CNTN1: variants seen among roughly 807,000 people sequenced by gnomAD.
CNTN1 encodes the protein contactin-1.
A neutral mutation model predicts 126.4 loss-of-function variants in CNTN1; 38 were observed. That is an observed-to-expected ratio of 0.30 (90% CI 0.23 to 0.39). The LOEUF (loss-of-function observed/expected upper bound fraction) is 0.39. Among genes scored for constraint, CNTN1 ranks in the 10% least tolerant of loss-of-function variants. The pLI is 1.00. For missense variants in CNTN1, 1,009 were observed against 1,248.4 expected, an observed-to-expected ratio of 0.81 and a Z score of 2.89; for synonymous variants, 413 against 422.6, an observed-to-expected ratio of 0.98 and a Z score of 0.28.
At chr12:40,911,751 A>G (rs1035558546) in intron 3 of CNTN1, among the ~76,000 whole-genome samples, 2 of 152,158 alleles carry the variant, frequency 1.3e-5, no homozygotes, top group Admixed American at 6.5e-5. Flanking sequence ...TCTTGTATCT[A>G]TCTACCTTTA....
At chr12:41,030,034 C>T in intron 23 of CNTN1, among the ~76,000 whole-genome samples, 1 of 151,854 alleles carries the variant, frequency 6.6e-6, no homozygotes, top group East Asian at 1.9e-4. Flanking sequence ...GAGGCTTTGA[C>T]ATTACCAGAA....
chr12:40,825,105 G>A (rs550131136), intron 1 of CNTN1, among the ~76,000 whole-genome samples: 1 of 152,280 alleles, frequency 6.6e-6, no homozygotes, highest in East Asian at 1.9e-4. Flanking sequence ...TTCCTTGTGT[G>A]TAGAAGGTAC....
intron 1 of CNTN1, among the ~76,000 whole-genome samples, chr12:40,715,648 A>G (rs985462646): frequency 2.0e-5 from 3 of 152,154 alleles, no homozygotes; most frequent in Non-Finnish European, 2.9e-5. Context: ...AGCCTTTGGG[A>G]GAGCCAGTGG....
In CNTN1 at chr12:41,071,338, T is replaced by G. The variant is rs982106955; in HGVS notation, c.*1303T>G. 6.6e-6 allele frequency: 1 copy of G among 152,154 alleles called. No individual in the cohort carries two copies. The highest frequency in any genetic ancestry group is 2.4e-5 in the African/African-American group (1 of 41,440). 9.4% of individuals were successfully genotyped at this position (152,154 alleles called of 1,614,324 possible). On this transcript the variant is annotated 3_prime_UTR_variant, in exon 24 of 24. Coordinates refer to ENST00000551295, the MANE Select transcript of CNTN1 (RefSeq NM_001843.4). ...TCCATGGTGTGCATGGAAATGTGTT[T>G]GAGTGTGGATGTAAAAGAAATCGAG...
At chr12:40,875,551 T>C (rs1943639720) in intron 1 of CNTN1, among the ~76,000 whole-genome samples, 1 of 152,138 alleles carries the variant, frequency 6.6e-6, no homozygotes, top group Non-Finnish European at 1.5e-5. Context: ...TTCCATTATA[T>C]AGGATTATAT....
At chr12:41,042,336 C>G (rs1204218014) in intron 23 of CNTN1, among the ~76,000 whole-genome samples, 1 of 151,956 alleles carries the variant, frequency 6.6e-6, no homozygotes, top group Non-Finnish European at 1.5e-5. Flanking sequence ...TTACTTCCAA[C>G]TGTGTGGTCA....
At chr12:40,967,441 C>G (rs975051015) in intron 15 of CNTN1, among the ~76,000 whole-genome samples, 7 of 152,244 alleles carry the variant, frequency 4.6e-5, no homozygotes, top group Non-Finnish European at 8.8e-5. Context: ...GATCGTGCCA[C>G]TGCACTCTAG....
At chr12:40,816,675 T>A (rs1941266393) in intron 1 of CNTN1, among the ~76,000 whole-genome samples, 2 of 152,120 alleles carry the variant, frequency 1.3e-5, no homozygotes, top group Admixed American at 1.3e-4. Context: ...TTATTTCTTG[T>A]CTTCTGGCAG....
intron 17 of CNTN1, chr12:41,005,125 G>C (rs925401974): frequency 6.6e-6 from 1 of 152,108 alleles, no homozygotes; most frequent in African/African-American, 2.4e-5. Context: ...GGCAGGTCTG[G>C]TGGTAATAAA....
chr12:41,034,583 T>C (rs950722138), intron 23 of CNTN1, among the ~76,000 whole-genome samples: 2 of 152,230 alleles, frequency 1.3e-5, no homozygotes, highest in Non-Finnish European at 2.9e-5. Context: ...AAATGCTGTC[T>C]CTTCAACCAT....
intron 1 of CNTN1, among the ~76,000 whole-genome samples, chr12:40,741,128 A>T (rs1225524797): frequency 6.6e-6 from 1 of 152,086 alleles, no homozygotes; most frequent in Non-Finnish European, 1.5e-5. Flanking sequence ...TATCCACTGA[A>T]GTCTTTTCAA....
At chr12:40,806,993 A>G (rs73114719) in intron 1 of CNTN1, among the ~76,000 whole-genome samples, 3,464 of 152,204 alleles carry the variant, frequency 0.023, 125 homozygotes, top group African/African-American at 0.078. Flanking sequence ...CTAGTTATAG[A>G]ACTTTTTTGA....
chr12:40,972,067 A>G, intron 15 of CNTN1: 1 of 985,836 alleles, frequency 1.0e-6, no homozygotes, highest in South Asian at 4.7e-5. Context: ...CTGAAGTCCT[A>G]CCATGGCTCT....
chr12:40,696,315 C>G (rs560819757), intron 1 of CNTN1, among the ~76,000 whole-genome samples: 7 of 152,280 alleles, frequency 4.6e-5, no homozygotes, highest in African/African-American at 1.4e-4. Flanking sequence ...TTTCTTTCCT[C>G]TAGTCCAAGT....
chr12:40,702,756 T>C (rs1175681463), intron 1 of CNTN1, among the ~76,000 whole-genome samples: 1 of 152,228 alleles, frequency 6.6e-6, no homozygotes, highest in Non-Finnish European at 1.5e-5. Context: ...TTATGCTATA[T>C]ACGGTGTTCT....
chr12:40,743,007 CTG>C (rs1938014585), intron 1 of CNTN1, among the ~76,000 whole-genome samples: 1 of 152,010 alleles, frequency 6.6e-6, no homozygotes, highest in Admixed American at 6.6e-5. Flanking sequence ...TATATGAAAA[CTG>C]TATTATGGGA....
intron 1 of CNTN1, among the ~76,000 whole-genome samples, chr12:40,848,323 T>C (rs1228166788): frequency 6.6e-6 from 1 of 152,180 alleles, no homozygotes; most frequent in African/African-American, 2.4e-5. Flanking sequence ...AAAATTCCTA[T>C]AGTGTTTAAT....
In CNTN1 at chr12:40,760,835, GCA is replaced by G. The variant is rs1165228762; in HGVS notation, c.-77+68263_-77+68264del. The stretch of plus-strand genomic sequence containing the variant: ...TACATTGTTGGTCTTTCAAAATAAT[GCA>G]CACACACACACACACACACTTCCAC... On this transcript the variant is annotated intron_variant, in intron 1 of 23. Coordinates refer to ENST00000551295, the MANE Select transcript of CNTN1 (RefSeq NM_001843.4). Among the ~76,000 whole-genome samples, 82 of 150,560 alleles carry G rather than the reference GCA, an allele frequency of 5.4e-4. 1 individual carries two copies. The South Asian group carries it at 0.014, about 26-fold the overall frequency.
intron 1 of CNTN1, among the ~76,000 whole-genome samples, chr12:40,749,945 T>G (rs1938340289): frequency 6.6e-6 from 1 of 152,024 alleles, no homozygotes; most frequent in East Asian, 1.9e-4. Context: ...GAAGGAGTGA[T>G]CCACTGTCTC....
Sources: allele counts gnomAD v4.1 joint callset (sites outside exome capture counted in the v4.1 genomes callset), GRCh38; gene constraint gnomAD v4.1.1; transcripts MANE v1.5; gene names NCBI Gene and HGNC (gene_info 2026-07-23, HGNC 2026-07-21).